The following ANK1 variants were observed in gnomAD, a reference collection of about 807,000 sequenced individuals.
ANK1 encodes ankyrin-1.
Under a neutral mutation model 210.4 loss-of-function variants are expected in ANK1, and 51 were observed. The observed-to-expected ratio is 0.24, with a 90% CI of 0.19 to 0.31. ANK1 has a LOEUF of 0.31. ANK1 is among the 10% of genes least tolerant of loss of function. The pLI is 1.00. For missense variants in ANK1, 2,051 were observed against 2,504.4 expected (o/e 0.82, Z 3.86); for synonymous variants, 967 against 1,025.9 (o/e 0.94, Z 1.10).
intron 3 of ANK1, among the ~76,000 whole-genome samples, chr8:41,729,304 G>T (rs7016707): frequency 0.17 from 26,032 of 152,184 alleles, 3,581 homozygotes; most frequent in African/African-American, 0.38. Flanking sequence ...AACCAGGCAC[G>T]TAATTGTTTT....
At position 41,655,456 on chromosome 8, in the gene ANK1, C is replaced by T. The variant is rs939453142; in HGVS notation, c.*334G>A. The T allele has an allele frequency of 1.4e-5, 6 of 417,298 alleles. No homozygotes were observed. Among genetic ancestry groups the T allele is most frequent in the Non-Finnish European group, 2.1e-5 (5 of 233,532 alleles). 25.8% of individuals were successfully genotyped at this position (417,298 alleles called of 1,614,324 possible). A position where few individuals can be genotyped will look rare whatever the true frequency, so the allele number is the denominator to read the frequency against. ...CACAAAAAGCCCTCATTCACTTTTG[C>T]GTTCGCAGGCTCTCCTGCGCTTGTT... is the stretch of plus-strand genomic sequence containing the variant. On this transcript the variant is annotated 3_prime_UTR_variant, in exon 43 of 43. Transcript: ENST00000289734.
In ANK1 at chr8:41,719,792, G is replaced by C. The variant is rs1322318125; in HGVS notation, c.976C>G (p.Gln326Glu). 4 of 1,614,222 alleles carry C rather than the reference G, an allele frequency of 2.5e-6. No homozygotes were observed. In the South Asian group the frequency reaches 4.4e-5, roughly 18 times the overall value. The stretch of plus-strand genomic sequence containing the variant: ...ATGTCGTCTATCTCTGCGTCGTATT[G>C]CAACAGGAGCCGGACACAGTCGAGG... ...DHLDCVRLLL[Q>E]YDAEIDDITL... Residue 326 changes from glutamine to glutamate, a missense_variant, in exon 10 of 43, where the codon CAA (glutamine) becomes GAA (glutamate). Coordinates refer to ENST00000289734, the MANE Select transcript of ANK1 (RefSeq NM_000037.4).
intron 1 of ANK1, among the ~76,000 whole-genome samples, chr8:41,835,783 C>A (rs966675167): frequency 2.0e-4 from 31 of 152,362 alleles, no homozygotes; most frequent in Non-Finnish European, 4.1e-4. Flanking sequence ...TGGTCTTTGG[C>A]AGAAGTGTGC....
At chr8:41,837,583 T>C (rs1400002018) in intron 1 of ANK1, among the ~76,000 whole-genome samples, 1 of 152,182 alleles carries the variant, frequency 6.6e-6, no homozygotes, top group African/African-American at 2.4e-5. Context: ...TAAAAAGTGT[T>C]GATTTAGGCC....
At chr8:41,688,678 G>T in intron 33 of ANK1, 89 bp from the exon 34 acceptor site, 1 of 1,157,898 alleles carries the variant, frequency 8.6e-7, no homozygotes, top group Non-Finnish European at 1.3e-6. Context: ...CAGGGGTGTG[G>T]AAGGCTGACC....
chr8:41,688,337 T>G (rs1818268079), intron 34 of ANK1, 107 bp from the exon 35 acceptor site: 1 of 1,445,680 alleles, frequency 6.9e-7, no homozygotes, highest in South Asian at 1.1e-5. Flanking sequence ...CTGGGGTGAT[T>G]GTCTAGACTC....
chr8:41,696,624 C>A (rs576382812), intron 25 of ANK1, 37 bp from the exon 26 acceptor site: 2 of 1,611,772 alleles, frequency 1.2e-6, no homozygotes, highest in South Asian at 2.2e-5. Context: ...GCTTCTGCAT[C>A]CCCTCTCGGA....
intron 1 of ANK1, among the ~76,000 whole-genome samples, chr8:41,849,437 T>A (rs1229215772): frequency 2.6e-5 from 4 of 151,938 alleles, no homozygotes; most frequent in African/African-American, 9.7e-5. Context: ...AGTAGAAGAA[T>A]TGCTTGAACC....
At chr8:41,822,863 C>T (rs546976568) in intron 1 of ANK1, among the ~76,000 whole-genome samples, 1 of 152,296 alleles carries the variant, frequency 6.6e-6, no homozygotes, top group East Asian at 1.9e-4. Context: ...AGCACGAGAG[C>T]GGGGGCGGTG....
intron 1 of ANK1, among the ~76,000 whole-genome samples, chr8:41,825,944 C>A (rs141722021): frequency 2.0e-5 from 3 of 152,164 alleles, no homozygotes; most frequent in Non-Finnish European, 4.4e-5. Context: ...GTCCATTAAA[C>A]CTCTTTTTCT....
At chr8:41,771,797 C>A (rs1313345884) in intron 1 of ANK1, among the ~76,000 whole-genome samples, 1 of 152,180 alleles carries the variant, frequency 6.6e-6, no homozygotes, top group Non-Finnish European at 1.5e-5. Context: ...GACTATGCAG[C>A]ACTTAAACCC....
At chr8:41,664,101 G>A (rs1356395245) in intron 39 of ANK1, 1 of 468,822 alleles carries the variant, frequency 2.1e-6, no homozygotes, top group Admixed American at 2.3e-5. Flanking sequence ...TTGCAGTATA[G>A]AAAAGCCCTT....
chr8:41,672,844 G>A lies in ANK1; in HGVS notation c.4606C>T (p.Arg1536Cys), dbSNP rs146416859. Reference sequence around the variant, plus strand: ...ACCTCATTCCAGTACTGGTCTGCACGTAGCGGAGAGGAAAGTGCACAGCCC... The same window carrying A: ...ACCTCATTCCAGTACTGGTCTGCACATAGCGGAGAGGAAAGTGCACAGCCC... ...SLGCALSSPL[R>C]ADQYWNEVAV... The change falls in exon 38 of 43, where the codon CGT becomes TGT. Residue 1536 changes from arginine to cysteine, a missense_variant. Arg to Cys is a radical substitution (Grantham distance 180). This residue lies in a region of ANK1 where 496 missense variants were observed against 533.4 expected (regional missense o/e 0.93). Coordinates refer to ENST00000289734, the MANE Select transcript of ANK1 (RefSeq NM_000037.4). 2,357 of 1,611,634 alleles carry A rather than the reference G, an allele frequency of 1.5e-3. 2 individuals carry two copies. Among genetic ancestry groups the A allele is most frequent in the Admixed American group, 1.9e-3 (116 of 59,988 alleles).
chr8:41,661,766 C>A, intron 41 of ANK1, 110 bp downstream of exon 41: 1 of 1,611,618 alleles, frequency 6.2e-7, no homozygotes, highest in East Asian at 2.2e-5. Flanking sequence ...GCAGTGATGG[C>A]GCTGGGTCCC....
chr8:41,684,942 A>T (rs186897178), intron 36 of ANK1, among the ~76,000 whole-genome samples: 1 of 152,262 alleles, frequency 6.6e-6, no homozygotes, highest in Admixed American at 6.5e-5. Flanking sequence ...AAAAAAAAAT[A>T]AATTATTTTA....
intron 3 of ANK1, among the ~76,000 whole-genome samples, chr8:41,731,124 T>C (rs1486715993): frequency 6.6e-6 from 1 of 152,120 alleles, no homozygotes; most frequent in Non-Finnish European, 1.5e-5. Context: ...TTCCCCTATC[T>C]ACACACACAC....
intron 1 of ANK1, among the ~76,000 whole-genome samples, chr8:41,836,268 A>G (rs187470704): frequency 1.9e-3 from 296 of 152,348 alleles, no homozygotes; most frequent in Non-Finnish European, 3.1e-3. Context: ...ATTTTCATTC[A>G]CAACCCAAAG....
intron 2 of ANK1, among the ~76,000 whole-genome samples, chr8:41,749,212 C>T (rs1411332927): frequency 6.6e-6 from 1 of 151,680 alleles, no homozygotes; most frequent in Admixed American, 6.6e-5. Context: ...TAGCCCTAGT[C>T]TCTAGCATGG....
At chr8:41,883,899 T>C (rs568731300) in intron 1 of ANK1, among the ~76,000 whole-genome samples, 2 of 152,176 alleles carry the variant, frequency 1.3e-5, no homozygotes, top group South Asian at 2.1e-4. Flanking sequence ...GTTCTCTTCA[T>C]CCACAGCAGC....
Sources: allele counts gnomAD v4.1 joint callset (sites outside exome capture counted in the v4.1 genomes callset), GRCh38; gene constraint gnomAD v4.1.1; regional missense constraint gnomAD v4.1.1; transcripts MANE v1.5; gene names NCBI Gene and HGNC (gene_info 2026-07-23, HGNC 2026-07-21).